SPATS2L: variants seen among roughly 807,000 people sequenced by gnomAD.
The protein encoded by SPATS2L is spermatogenesis associated serine rich 2 like.
A neutral mutation model predicts 59.6 loss-of-function variants in SPATS2L; 30 were observed. That is an observed-to-expected ratio of 0.50 (90% CI 0.38 to 0.68). The LOEUF (loss-of-function observed/expected upper bound fraction) is 0.68, where lower values mean the gene tolerates loss of function less well. SPATS2L is among the 30% of genes least tolerant of loss of function. The probability of loss-of-function intolerance (pLI) is 0.00; values close to 1 mark genes in which losing one functional copy is unlikely to be tolerated. For missense variants in SPATS2L, 615 were observed against 700.0 expected (o/e 0.88, Z 1.37); for synonymous variants, 252 against 263.5 (o/e 0.96, Z 0.42).
At chr2:200,428,999 T>C (rs974476301) in intron 6 of SPATS2L, among the ~76,000 whole-genome samples, 2 of 152,208 alleles carry the variant, frequency 1.3e-5, no homozygotes, top group Non-Finnish European at 2.9e-5. Context: ...CTCTATCCTG[T>C]AATCTTTTCA....
At chr2:200,440,063 T>A (rs1457818471) in intron 7 of SPATS2L, among the ~76,000 whole-genome samples, 1 of 152,244 alleles carries the variant, frequency 6.6e-6, no homozygotes, top group African/African-American at 2.4e-5. Context: ...ACAATCTGCC[T>A]GTTTGTGATG....
At chr2:200,308,861 C>T in intron 1 of SPATS2L, 5 of 559,156 alleles carry the variant, frequency 8.9e-6, no homozygotes, top group Non-Finnish European at 1.6e-5. Flanking sequence ...ATGATCAAGA[C>T]TCCTTTTGTA....
At chr2:200,444,028 C>T (rs562528941) in intron 8 of SPATS2L, among the ~76,000 whole-genome samples, 70 of 152,178 alleles carry the variant, frequency 4.6e-4, no homozygotes, top group Non-Finnish European at 7.4e-4. Flanking sequence ...TAGGGATTTG[C>T]GAGGGGAATA....
At chr2:200,377,202 C>T (rs2081630420) in intron 2 of SPATS2L, among the ~76,000 whole-genome samples, 1 of 152,154 alleles carries the variant, frequency 6.6e-6, no homozygotes, top group African/African-American at 2.4e-5. Flanking sequence ...GGAAACACGG[C>T]CTAGATCAAA....
chr2:200,454,313 G>C (rs1453430833), intron 8 of SPATS2L, among the ~76,000 whole-genome samples: 2 of 152,156 alleles, frequency 1.3e-5, no homozygotes, highest in Non-Finnish European at 2.9e-5. Flanking sequence ...TCCTGTGGCT[G>C]CCTCTCTATG....
At chr2:200,441,410 C>T (rs1272185811) in intron 8 of SPATS2L, among the ~76,000 whole-genome samples, 1 of 152,092 alleles carries the variant, frequency 6.6e-6, no homozygotes, top group African/African-American at 2.4e-5. Context: ...ATGTTCTCAG[C>T]GTATCAGTTA....
At chr2:200,396,023 A>T (rs1383457066) in intron 3 of SPATS2L, among the ~76,000 whole-genome samples, 8 of 41,838 alleles carry the variant, frequency 1.9e-4, no homozygotes, top group African/African-American at 2.6e-4. Context: ...AAAAAAAAAA[A>T]AAAAAAAAAA....
rs891355872 is a variant in SPATS2L at position 200,478,181 on chromosome 2, T to A, written c.*150T>A. The A allele has an allele frequency of 1.3e-6, 1 of 744,364 alleles. No homozygotes were observed. Among genetic ancestry groups the A allele is most frequent in the Non-Finnish European group, 2.0e-6 (1 of 499,726 alleles). The allele number at this position is 744,364 out of a possible 1,614,324, so 46.1% of individuals were successfully genotyped here. On this transcript the variant is annotated 3_prime_UTR_variant, in exon 13 of 13. Coordinates refer to ENST00000409140, the MANE Select transcript of SPATS2L (RefSeq NM_001100423.2). ...TAATCATTTTTACTAATTCTAATAA[T>A]CAGCTCTAGCTTGCTTCATAATTTT... is the stretch of plus-strand genomic sequence containing the variant.
At chr2:200,377,746 G>C (rs1348130727) in intron 2 of SPATS2L, among the ~76,000 whole-genome samples, 1 of 152,164 alleles carries the variant, frequency 6.6e-6, no homozygotes, top group East Asian at 1.9e-4. Flanking sequence ...CCTAGACATG[G>C]TTTTTACATT....
chr2:200,468,722 C>G (rs1222909101), intron 10 of SPATS2L, among the ~76,000 whole-genome samples: 1 of 152,216 alleles, frequency 6.6e-6, no homozygotes, highest in Admixed American at 6.5e-5. Flanking sequence ...TAAGACCAGA[C>G]GTAAACTCCC....
At chr2:200,381,988 G>A (rs1175747106) in intron 2 of SPATS2L, among the ~76,000 whole-genome samples, 1 of 152,132 alleles carries the variant, frequency 6.6e-6, no homozygotes, top group Non-Finnish European at 1.5e-5. Context: ...TGTTGGCTGA[G>A]GGCCCACTAA....
intron 1 of SPATS2L, among the ~76,000 whole-genome samples, chr2:200,318,486 T>C (rs1347490251): frequency 6.6e-6 from 1 of 152,224 alleles, no homozygotes; most frequent in Non-Finnish European, 1.5e-5. Context: ...TGCTGGTTTG[T>C]AGCACTGAAT....
chr2:200,468,347 T>TACACACACACACTC (rs2086748909), intron 10 of SPATS2L, among the ~76,000 whole-genome samples: 1 of 110,082 alleles, frequency 9.1e-6, no homozygotes, highest in Non-Finnish European at 1.9e-5. Flanking sequence ...CCCAGTATAC[T>TACACACACACACTC]ACACACACAC....
chr2:200,445,954 A>G (rs1484773667), intron 8 of SPATS2L, among the ~76,000 whole-genome samples: 1 of 152,210 alleles, frequency 6.6e-6, no homozygotes, highest in Admixed American at 6.5e-5. Context: ...ACCAAAGTAT[A>G]TGTGTGTACA....
intron 6 of SPATS2L, among the ~76,000 whole-genome samples, chr2:200,423,458 A>G (rs1029743255): frequency 2.0e-5 from 3 of 152,176 alleles, no homozygotes; most frequent in African/African-American, 7.2e-5. Flanking sequence ...CCACTTTATA[A>G]CTGAAGAAAC....
chr2:200,312,392 GAT>G (rs2079221639), intron 1 of SPATS2L, among the ~76,000 whole-genome samples: 1 of 152,174 alleles, frequency 6.6e-6, no homozygotes, highest in Non-Finnish European at 1.5e-5. Flanking sequence ...CCCTCATTCT[GAT>G]TCTGTGGAAC....
intron 8 of SPATS2L, among the ~76,000 whole-genome samples, chr2:200,446,968 A>T (rs1455739242): frequency 6.6e-6 from 1 of 152,210 alleles, no homozygotes; most frequent in Non-Finnish European, 1.5e-5. Context: ...TAGAAAATTG[A>T]AGGCTTTGCT....
At position 200,477,928 on chromosome 2, in the gene SPATS2L, G is replaced by T; in HGVS notation, c.1574G>T (p.Gly525Val). The T allele has an allele frequency of 6.2e-7, 1 of 1,612,116 alleles. No homozygotes were observed. The highest frequency in any genetic ancestry group is 8.5e-7 in the Non-Finnish European group (1 of 1,179,756). ...ADTSEARPFR[G>V]SVGRVSQCNL... Reference sequence around the variant, plus strand: ...ACCTCGGAGGCCAGGCCCTTCCGGGGTAGTGTCGGTAGGGTTTCACAGTGC... The same window carrying T: ...ACCTCGGAGGCCAGGCCCTTCCGGGTTAGTGTCGGTAGGGTTTCACAGTGC... Residue 525 changes from glycine (G) to valine (V), a missense_variant, in exon 13 of 13, where the codon GGT becomes GTT. Gly to Val is a moderately radical substitution (Grantham distance 109). Transcript: ENST00000409140.
chr2:200,418,571 C>T lies in SPATS2L; in HGVS notation c.199-679C>T, dbSNP rs2083164971. ...CCTGGGCGACAGAGCCAGAGTGAGA[C>T]CTTATTAAATAATAAATAAATAAAT... On this transcript the variant is annotated intron_variant, in intron 5 of 12. Coordinates refer to ENST00000409140, the MANE Select transcript of SPATS2L (RefSeq NM_001100423.2). Among the ~76,000 whole-genome samples the T allele has an allele frequency of 3.3e-5, 4 of 119,478 alleles. No individual in the cohort carries two copies. The South Asian group carries it at 1.2e-3, about 35-fold the overall frequency. The allele number at this position is 119,478 out of a possible 152,430, so 78.4% of individuals were successfully genotyped here.
Sources: allele counts gnomAD v4.1 joint callset (sites outside exome capture counted in the v4.1 genomes callset), GRCh38; gene constraint gnomAD v4.1.1; transcripts MANE v1.5; gene names NCBI Gene and HGNC (gene_info 2026-07-23, HGNC 2026-07-21).